SOX5: variants seen among roughly 807,000 people sequenced by gnomAD.
SOX5 encodes the protein transcription factor SOX-5.
In SOX5, 9 loss-of-function variants were observed where a neutral mutation model predicts 92.0. The ratio of observed to expected loss-of-function variants is 0.10; its 90% CI spans 0.06 to 0.17. SOX5 has a LOEUF of 0.17. SOX5 is among the 10% of genes least tolerant of loss of function. The pLI is 1.00. For missense variants in SOX5, 642 were observed against 944.5 expected, an observed-to-expected ratio of 0.68 and a Z score of 4.20; for synonymous variants, 344 against 336.3, an observed-to-expected ratio of 1.02 and a Z score of -0.25.
chr12:24,276,802 A>G (rs1398229158), intron 3 of SOX5, among the ~76,000 whole-genome samples: 1 of 152,156 alleles, frequency 6.6e-6, no homozygotes, highest in Non-Finnish European at 1.5e-5. Context: ...AATACTTAAT[A>G]GCCTATAGAA....
intron 4 of SOX5, among the ~76,000 whole-genome samples, chr12:24,016,415 T>C (rs1323381085): frequency 6.6e-6 from 1 of 152,016 alleles, no homozygotes; most frequent in Non-Finnish European, 1.5e-5. Flanking sequence ...GAACTAATGG[T>C]CCCAGGACTT....
chr12:23,827,068 G>A (rs867143971), intron 3 of SOX5, among the ~76,000 whole-genome samples: 2 of 152,168 alleles, frequency 1.3e-5, no homozygotes, highest in African/African-American at 4.8e-5. Context: ...AATGTGTGGG[G>A]AGGAGACAAC....
intron 1 of SOX5, among the ~76,000 whole-genome samples, chr12:23,938,863 A>G (rs1569138757): frequency 6.6e-6 from 1 of 151,018 alleles, no homozygotes; most frequent in Non-Finnish European, 1.5e-5. Context: ...ATATAAGTAA[A>G]CCAATTTCTT....
chr12:24,047,226 T>C (rs1488438238), intron 4 of SOX5, among the ~76,000 whole-genome samples: 1 of 152,184 alleles, frequency 6.6e-6, no homozygotes, highest in Non-Finnish European at 1.5e-5. Context: ...GTTTTAAGAA[T>C]TGAGAGGCAG....
rs190174515 is a variant in SOX5, at chr12:23,593,070, C to A, written c.1164+11317G>T. 1.7e-4 allele frequency among the ~76,000 whole-genome samples: 17 copies of A among 97,854 alleles called. No homozygotes were observed. In the East Asian group the frequency reaches 4.0e-3, roughly 23 times the overall value. The allele number at this position is 97,854 out of a possible 152,430, so 64.2% of individuals were successfully genotyped here. A position where few individuals can be genotyped will look rare whatever the true frequency, so the allele number is the denominator to read the frequency against. ...CTCCAGCCTGGGCAATGGAGTTAGA[C>A]CCTGTCTCAAAAATAAATAAATAAA... is the stretch of plus-strand genomic sequence containing the variant. On this transcript the variant is annotated intron_variant, in intron 9 of 14. Transcript: ENST00000451604.
At chr12:23,560,130 C>T (rs879326843) in intron 11 of SOX5, among the ~76,000 whole-genome samples, 1 of 152,082 alleles carries the variant, frequency 6.6e-6, no homozygotes, top group Non-Finnish European at 1.5e-5. Flanking sequence ...AGGCTGGTCT[C>T]GAGCTCCTGA....
intron 4 of SOX5, among the ~76,000 whole-genome samples, chr12:24,058,814 T>C (rs1939098715): frequency 6.6e-6 from 1 of 151,950 alleles, no homozygotes; most frequent in Admixed American, 6.6e-5. Flanking sequence ...AATAAATAAA[T>C]ATAGTTCATG....
chr12:23,780,401 C>G (rs1209780910), intron 3 of SOX5, among the ~76,000 whole-genome samples: 1 of 150,230 alleles, frequency 6.7e-6, no homozygotes, highest in African/African-American at 2.4e-5. Flanking sequence ...TTGGCATCTA[C>G]TTTCAAGGAT....
intron 4 of SOX5, among the ~76,000 whole-genome samples, chr12:24,136,736 G>A (rs549461777): frequency 6.6e-6 from 1 of 152,122 alleles, no homozygotes; most frequent in Non-Finnish European, 1.5e-5. Context: ...CAAACAAAAA[G>A]GCTGCTTGAA....
At chr12:23,608,440 G>C (rs1377085960) in intron 8 of SOX5, among the ~76,000 whole-genome samples, 1 of 151,988 alleles carries the variant, frequency 6.6e-6, no homozygotes, top group African/African-American at 2.4e-5. Context: ...GTGTCTTCCT[G>C]GTACTCAAAG....
chr12:23,759,470 C>G (rs1232495627), intron 3 of SOX5, among the ~76,000 whole-genome samples: 2 of 152,016 alleles, frequency 1.3e-5, no homozygotes, highest in African/African-American at 4.8e-5. Context: ...CTTCACCCCT[C>G]TCTCTGAATT....
At chr12:23,585,569 T>C (rs1174100396) in intron 9 of SOX5, among the ~76,000 whole-genome samples, 1 of 152,192 alleles carries the variant, frequency 6.6e-6, no homozygotes, top group African/African-American at 2.4e-5. Flanking sequence ...GTACTCCACT[T>C]GCTTTAACCT....
intron 1 of SOX5, among the ~76,000 whole-genome samples, chr12:24,484,050 T>C (rs1241108672): frequency 6.6e-6 from 1 of 152,212 alleles, no homozygotes; most frequent in Non-Finnish European, 1.5e-5. Context: ...AACGTTTATA[T>C]TATTGATAAA....
At chr12:23,737,487 C>T (rs1031050591) in intron 5 of SOX5, among the ~76,000 whole-genome samples, 1 of 152,046 alleles carries the variant, frequency 6.6e-6, no homozygotes, top group Non-Finnish European at 1.5e-5. Flanking sequence ...TTGCAGTGAG[C>T]CAAGATCACG....
chr12:24,236,014 C>T (rs61909907), intron 3 of SOX5, among the ~76,000 whole-genome samples: 114 of 151,958 alleles, frequency 7.5e-4, no homozygotes, highest in African/African-American at 2.7e-3. Flanking sequence ...ATGGTAAAAC[C>T]CCACCTCTAC....
intron 1 of SOX5, among the ~76,000 whole-genome samples, chr12:24,498,752 A>G (rs1437309045): frequency 6.6e-6 from 1 of 152,182 alleles, no homozygotes; most frequent in East Asian, 1.9e-4. Context: ...ATCTTCACCA[A>G]GAGCTTGGAA....
chr12:23,941,074 T>C (rs1349494824), intron 1 of SOX5, among the ~76,000 whole-genome samples: 1 of 151,490 alleles, frequency 6.6e-6, no homozygotes, highest in African/African-American at 2.4e-5. Flanking sequence ...CCTTTCAAGA[T>C]TTTTTGAAAA....
At position 23,996,187 on chromosome 12, in the gene SOX5, C is replaced by A. The variant is rs116112595; in HGVS notation, c.-1-100163G>T. Reference sequence around the variant, plus strand: ...AACTTAAATTCCAGAGACCTGAAATCTAATCCTTGGATTGTTACATGATTC... The same window carrying A: ...AACTTAAATTCCAGAGACCTGAAATATAATCCTTGGATTGTTACATGATTC... On this transcript the variant is annotated intron_variant, in intron 4 of 4. Transcript: ENST00000446891. 8.3e-3 allele frequency among the ~76,000 whole-genome samples: 1,270 copies of A among 152,234 alleles called. 24 individuals are homozygous for A. Among genetic ancestry groups the A allele is most frequent in the African/African-American group, 0.029 (1,209 of 41,524 alleles).
chr12:24,551,050 C>T (rs1436893564), intron 1 of SOX5, among the ~76,000 whole-genome samples: 1 of 152,206 alleles, frequency 6.6e-6, no homozygotes, highest in East Asian at 1.9e-4. Flanking sequence ...CATTCTTCCC[C>T]TCAAGATTCC....
Sources: allele counts gnomAD v4.1 joint callset (sites outside exome capture counted in the v4.1 genomes callset), GRCh38; gene constraint gnomAD v4.1.1; transcripts MANE v1.5; gene names NCBI Gene and HGNC (gene_info 2026-07-23, HGNC 2026-07-21).